Variants in LRIF1 observed in about 807,000 individuals in gnomAD.
LRIF1 encodes ligand dependent nuclear receptor interacting factor 1.
In LRIF1, 32 loss-of-function variants were observed where a neutral mutation model predicts 52.7. The observed-to-expected ratio is 0.61, with a 90% CI of 0.46 to 0.82. The LOEUF is 0.82. Among genes scored for constraint, LRIF1 ranks in the 40% least tolerant of loss-of-function variants. The pLI is 0.00. For synonymous variants in LRIF1, 323 were observed against 317.4 expected, an observed-to-expected ratio of 1.02 and a Z score of -0.19; for missense variants, 887 against 892.0, an observed-to-expected ratio of 0.99 and a Z score of 0.07.
intron 3 of LRIF1, 142 bp downstream of exon 3, chr1:110,949,709 T>A (rs751238228): frequency 8.6e-6 from 8 of 934,236 alleles, no homozygotes; most frequent in Middle Eastern, 6.5e-4. Context: ...GTTTTAAATA[T>A]CATTTTGGTA....
intron 1 of LRIF1, among the ~76,000 whole-genome samples, chr1:110,953,245 CT>C (rs1232428257): frequency 3.3e-5 from 5 of 152,138 alleles, no homozygotes; most frequent in Admixed American, 3.3e-4. Context: ...CCCCCTCAAT[CT>C]GTTCTGTCTT....
the LRIF1 span, among the ~76,000 whole-genome samples, chr1:110,927,897 A>T: frequency 1.3e-5 from 2 of 152,222 alleles, no homozygotes; most frequent in Non-Finnish European, 2.9e-5. Flanking sequence ...ATTTAAAAAG[A>T]AAAGGTGAGT....
At chr1:110,908,517 G>C in the LRIF1 span, among the ~76,000 whole-genome samples, 1 of 152,192 alleles carries the variant, frequency 6.6e-6, no homozygotes, top group Non-Finnish European at 1.5e-5. Flanking sequence ...TTCAAGAGTT[G>C]AGAGAGGACA....
the LRIF1 span, among the ~76,000 whole-genome samples, chr1:110,926,289 T>C: frequency 1.3e-5 from 2 of 152,012 alleles, no homozygotes; most frequent in Middle Eastern, 3.4e-3. Context: ...GGCACAAGGA[T>C]AGTTAGGCTA....
the LRIF1 span, among the ~76,000 whole-genome samples, chr1:110,915,439 G>C: frequency 6.6e-6 from 1 of 152,182 alleles, no homozygotes; most frequent in Non-Finnish European, 1.5e-5. Context: ...AGTGAGCCGA[G>C]ATAGCGCCAA....
rs760395899 is a variant in LRIF1, at chr1:110,951,790, T to TA, written c.1093dup (p.Tyr365LeufsTer5). The stretch of plus-strand genomic sequence containing the variant: ...ATCTGTCCCCTTTTTAGCCAACAGA[T>TA]AGACTTTCCCATTAAACATAACCAA... On this transcript the variant is annotated frameshift_variant, in exon 2 of 4. Transcript: ENST00000369763. LOFTEE classifies it high-confidence loss of function. 6.2e-7 allele frequency: 1 copy of TA among 1,612,534 alleles called. No homozygotes were observed. Among genetic ancestry groups the TA allele is most frequent in the South Asian group, 1.1e-5 (1 of 91,088 alleles).
the LRIF1 span, among the ~76,000 whole-genome samples, chr1:110,902,517 A>AAAG: frequency 1.0e-4 from 11 of 104,766 alleles, no homozygotes; most frequent in South Asian, 3.4e-4. Context: ...AAAAAAAAAA[A>AAAG]AAAGAAATAC....
At chr1:110,883,765 C>T in the LRIF1 span, among the ~76,000 whole-genome samples, 108,583 of 151,676 alleles carry the variant, frequency 0.72, 41,241 homozygotes, top group Non-Finnish European at 0.84. Context: ...TTGAGTGAGA[C>T]TTGGTAATTT....
At chr1:110,949,458 C>T (rs1480764601) in intron 3 of LRIF1, among the ~76,000 whole-genome samples, 1 of 141,448 alleles carries the variant, frequency 7.1e-6, no homozygotes, top group Admixed American at 7.3e-5. Flanking sequence ...CCTGCCCTGT[C>T]GCCTGGGCTG....
At chr1:110,892,394 A>G in the LRIF1 span, 2 of 1,613,976 alleles carry the variant, frequency 1.2e-6, no homozygotes, top group Non-Finnish European at 1.7e-6. Flanking sequence ...CTGATCCACA[A>G]CAACTTCGGA....
At chr1:110,882,569 A>G in the LRIF1 span, among the ~76,000 whole-genome samples, 1 of 151,996 alleles carries the variant, frequency 6.6e-6, no homozygotes, top group Non-Finnish European at 1.5e-5. Context: ...TGCATTCCCA[A>G]ATGAATTTTA....
chr1:110,920,565 T>C, the LRIF1 span, among the ~76,000 whole-genome samples: 884 of 152,282 alleles, frequency 5.8e-3, 12 homozygotes, highest in African/African-American at 0.02. Context: ...CACAGAGGAT[T>C]TTTTATGGCA....
chr1:110,921,674 T>C, the LRIF1 span, among the ~76,000 whole-genome samples: 1 of 152,114 alleles, frequency 6.6e-6, no homozygotes, highest in Non-Finnish European at 1.5e-5. Context: ...GACAGAACCA[T>C]AGAGAGAAAT....
At chr1:110,924,856 T>C in the LRIF1 span, among the ~76,000 whole-genome samples, 4 of 152,232 alleles carry the variant, frequency 2.6e-5, no homozygotes, top group African/African-American at 7.2e-5. Flanking sequence ...TAAAAGATTA[T>C]GATCAAGTTA....
At chr1:110,917,737 T>G in the LRIF1 span, among the ~76,000 whole-genome samples, 1 of 151,294 alleles carries the variant, frequency 6.6e-6, no homozygotes, top group Non-Finnish European at 1.5e-5. Flanking sequence ...ATATGTGCTA[T>G]GGAAAAAAAT....
rs180702613 is a variant in LRIF1, at chr1:110,954,430, G to A, written c.69-1615C>T. 6.6e-5 allele frequency among the ~76,000 whole-genome samples: 10 copies of A among 152,144 alleles called. No individual in the cohort carries two copies. In the East Asian group the frequency reaches 1.2e-3, roughly 18 times the overall value. ...CAAGTAGCTGAGACCACAGATGCAC[G>A]CCACCAAACCCGGCTAATTTTTGTA... On this transcript the variant is annotated intron_variant, in intron 1 of 3. Coordinates refer to ENST00000369763, the MANE Select transcript of LRIF1 (RefSeq NM_018372.4).
At chr1:110,908,071 C>A in the LRIF1 span, among the ~76,000 whole-genome samples, 4 of 152,146 alleles carry the variant, frequency 2.6e-5, no homozygotes, top group African/African-American at 9.7e-5. Flanking sequence ...AGGGTCTTTT[C>A]AACAAATGTT....
the LRIF1 span, chr1:110,895,176 G>T: frequency 1.4e-6 from 1 of 715,306 alleles, no homozygotes. Flanking sequence ...CTGAATCCCA[G>T]AATAATGCCT....
At chr1:110,880,009 A>G in the LRIF1 span, among the ~76,000 whole-genome samples, 1 of 152,236 alleles carries the variant, frequency 6.6e-6, no homozygotes, top group Non-Finnish European at 1.5e-5. Context: ...CTACCAGCTC[A>G]AGCCCATTGG....
Sources: allele counts gnomAD v4.1 joint callset (sites outside exome capture counted in the v4.1 genomes callset), GRCh38; gene constraint gnomAD v4.1.1; transcripts MANE v1.5; gene names NCBI Gene and HGNC (gene_info 2026-07-23, HGNC 2026-07-21).